The following NKAP variants were observed in gnomAD, a reference collection of about 807,000 sequenced individuals.
The protein encoded by NKAP is NFKB activating protein.
Under a neutral mutation model 35.6 loss-of-function variants are expected in NKAP, and 4 were observed. That is an observed-to-expected ratio of 0.11 (90% confidence interval 0.06 to 0.26). NKAP has a LOEUF of 0.26. NKAP is among the 10% of genes least tolerant of loss of function. The pLI is 1.00. For synonymous variants in NKAP, 106 were observed against 119.2 expected (o/e 0.89, Z 0.72); for missense variants, 238 against 321.9 (o/e 0.74, Z 1.99).
intron 4 of NKAP, 129 bp downstream of exon 4, chrX:119,936,168 A>C: frequency 1.5e-6 from 1 of 689,302 alleles, no homozygotes; most frequent in Non-Finnish European, 2.2e-6. Flanking sequence ...GGTACCTGGC[A>C]CAAGGTTAGC....
intron 1 of NKAP, among the ~76,000 whole-genome samples, chrX:119,941,139 CAAA>C (rs774116965): frequency 3.0e-5 from 2 of 66,510 alleles, no homozygotes; most frequent in Admixed American, 1.8e-4. Flanking sequence ...GACTCCATCT[CAAA>C]AAAAAAAAAA....
chrX:119,936,365 G>A lies in NKAP; in HGVS notation c.605C>T (p.Ser202Leu). The A allele has an allele frequency of 9.4e-7, 1 of 1,069,207 alleles. No individual in the cohort carries two copies. Among genetic ancestry groups the A allele is most frequent in the Non-Finnish European group, 1.3e-6 (1 of 799,913 alleles). 88.1% of individuals were successfully genotyped at this position (1,069,207 alleles called of 1,213,427 possible). Residue 202 changes from serine to leucine, a missense_variant, in exon 4 of 9, where the codon TCG (serine) becomes TTG (leucine). Physicochemically the swap from Ser to Leu is moderately radical, Grantham distance 145. Around this residue, in one of 5 missense-constraint regions of NKAP, gnomAD observed 89 missense variants for 91.7 expected, o/e 0.97. Coordinates refer to ENST00000371410, the MANE Select transcript of NKAP (RefSeq NM_024528.4). ...RSKKRRKKKS[S>L]KRKHKKYSED... ...AGAATACTTCTTATGTTTTCTTTTC[G>A]ATGATTTTTTCTTTCTCCTTTTCTT...
chrX:119,928,651 C>T (rs1250634758), intron 8 of NKAP, among the ~76,000 whole-genome samples: 1 of 111,965 alleles, frequency 8.9e-6, no homozygotes, highest in Non-Finnish European at 1.9e-5. Context: ...GTAACCTCCT[C>T]CTGGATTCAG....
Position 119,929,728 on chromosome X carries a change from T to A in NKAP, c.1073+288A>T, listed in dbSNP as rs73607088. On this transcript the variant is annotated intron_variant, in intron 8 of 8. Coordinates refer to ENST00000371410, the MANE Select transcript of NKAP (RefSeq NM_024528.4). Reference sequence around the variant, plus strand: ...TAAATAGCTGAATTTAACTATATCCTCCAGTGGATAAAATATCTGTAAGCA... The same window carrying A: ...TAAATAGCTGAATTTAACTATATCCACCAGTGGATAAAATATCTGTAAGCA... 7.6e-3 allele frequency among the ~76,000 whole-genome samples: 847 copies of A among 111,772 alleles called. 2 individuals are homozygous for A. The highest frequency in any genetic ancestry group is 0.013 in the Non-Finnish European group (718 of 53,236).
intron 1 of NKAP, 141 bp downstream of exon 1, chrX:119,943,079 G>A: frequency 2.5e-6 from 2 of 793,394 alleles, no homozygotes; most frequent in Non-Finnish European, 1.8e-6. Flanking sequence ...GTTGTCGTGG[G>A]TGGATTAAAG....
intron 7 of NKAP, among the ~76,000 whole-genome samples, 158 bp from the exon 8 acceptor site, chrX:119,930,323 T>C (rs753175298): frequency 2.3e-4 from 26 of 112,679 alleles, no homozygotes; most frequent in Admixed American, 1.0e-3. Flanking sequence ...TCAATGTGAA[T>C]TGCTTTATCC....
intron 8 of NKAP, among the ~76,000 whole-genome samples, chrX:119,928,484 T>A (rs1263238718): frequency 8.9e-6 from 1 of 112,489 alleles, no homozygotes; most frequent in African/African-American, 3.2e-5. Context: ...TAAACCCTCC[T>A]CTCATTTATA....
At position 119,943,498 on chromosome X, in the gene NKAP, G is replaced by T. The variant is rs1311096844; in HGVS notation, c.108C>A (p.Ser36=). Residue 36 remains serine (S), a synonymous_variant, in exon 1 of 9, where the codon TCC becomes TCA. Transcript: ENST00000371410. ...GCGAGCGAGAGCGGCGGCCCCGCGG[G>T]GAGCGGGCAGATTTGCTGGGCTTCG... is the stretch of plus-strand genomic sequence containing the variant. The part of the protein sequence containing the change: ...KSPKPSKSAR[S]PRGRRSRSHS... 1 of 1,210,250 alleles carries T rather than the reference G, an allele frequency of 8.3e-7. No individual in the cohort carries two copies. Among genetic ancestry groups the T allele is most frequent in the Non-Finnish European group, 1.1e-6 (1 of 894,989 alleles).
intron 5 of NKAP, among the ~76,000 whole-genome samples, chrX:119,933,450 T>C (rs2056751211): frequency 8.9e-6 from 1 of 111,793 alleles, no homozygotes; most frequent in Non-Finnish European, 1.9e-5. Flanking sequence ...GCACCACTTA[T>C]GAAGTATTCT....
chrX:119,942,492 A>G (rs1439068854), intron 1 of NKAP, among the ~76,000 whole-genome samples: 3 of 110,237 alleles, frequency 2.7e-5, no homozygotes, highest in Non-Finnish European at 5.7e-5. Flanking sequence ...AAACAAAACA[A>G]TCCCCAAGCT....
chrX:119,933,890 G>A (rs1438300567), intron 5 of NKAP, among the ~76,000 whole-genome samples: 1 of 110,452 alleles, frequency 9.1e-6, no homozygotes, highest in Non-Finnish European at 1.9e-5. Context: ...GCAGTGAGCC[G>A]AGATCGCGCC....
In NKAP at chrX:119,936,613, T is replaced by G. The variant is rs767663653; in HGVS notation, c.537A>C (p.Glu179Asp). ...KKSTTSASTS[E>D]EEKKKKSSRS... ...AAAATACCCTTTTTTTAAAAATACC[T>G]TCTGAAGTAGAAGCTGAAGTAGTGC... The change falls in exon 3 of 9, where the codon GAA (glutamate) becomes GAC (aspartate). Residue 179 changes from glutamate to aspartate, a missense_variant and splice_region_variant. Coordinates refer to ENST00000371410, the MANE Select transcript of NKAP (RefSeq NM_024528.4). 8.6e-7 allele frequency: 1 copy of G among 1,156,450 alleles called. No homozygotes were observed. The highest frequency in any genetic ancestry group is 2.9e-5 in the Admixed American group (1 of 34,532).
chrX:119,939,986 C>T (rs1324936874), intron 1 of NKAP, among the ~76,000 whole-genome samples: 2 of 107,889 alleles, frequency 1.9e-5, no homozygotes, highest in Non-Finnish European at 3.8e-5. Context: ...CCTCCCAAAG[C>T]GTTGGGATCA....
intron 2 of NKAP, chrX:119,937,569 C>G (rs2056772411): frequency 1.1e-5 from 1 of 95,135 alleles, no homozygotes; most frequent in African/African-American, 3.9e-5. Context: ...GATCGCACCA[C>G]TGCACTCCAG....
intron 8 of NKAP, among the ~76,000 whole-genome samples, 162 bp from the exon 9 acceptor site, chrX:119,925,556 C>T (rs1004264850): frequency 9.0e-6 from 1 of 110,835 alleles, no homozygotes; most frequent in Non-Finnish European, 1.9e-5. Flanking sequence ...CTGCCTGACA[C>T]GTCCTTTTTT....
chrX:119,941,177 T>C (rs977690640), intron 1 of NKAP, among the ~76,000 whole-genome samples: 3 of 110,857 alleles, frequency 2.7e-5, no homozygotes, highest in Non-Finnish European at 3.8e-5. Context: ...ATTTTCTAAA[T>C]GTACATATGC....
intron 8 of NKAP, among the ~76,000 whole-genome samples, chrX:119,925,929 C>CTT (rs1305744041): frequency 4.1e-4 from 19 of 46,428 alleles, no homozygotes; most frequent in African/African-American, 1.5e-3. Context: ...ATCCTTTTTT[C>CTT]TTTTTTTTTT....
At position 119,943,358 on chromosome X, in the gene NKAP, C is replaced by G; in HGVS notation, c.248G>C (p.Arg83Pro). 8.2e-7 allele frequency: 1 copy of G among 1,212,163 alleles called. No homozygotes were observed. Among genetic ancestry groups the G allele is most frequent in the Non-Finnish European group, 1.1e-6 (1 of 895,503 alleles). The change falls in exon 1 of 9, where the codon CGG becomes CCG. Residue 83 changes from arginine (R) to proline (P), a missense_variant. Coordinates refer to ENST00000371410, the MANE Select transcript of NKAP (RefSeq NM_024528.4). ...RSRSRSRSRERPSAPRGIPFA... is the reference protein window; with the variant it reads ...RSRSRSRSREPPSAPRGIPFA... ...GGGGATGCCCCGGGGCGCAGAGGGC[C>G]GCTCTCTAGAACGCGACCGCGAGCG...
intron 5 of NKAP, 168 bp from the exon 6 acceptor site, chrX:119,932,384 AC>A: frequency 2.7e-6 from 1 of 368,951 alleles, no homozygotes; most frequent in East Asian, 4.5e-5. Context: ...ATTCAAACTT[AC>A]AAGATAATTT....
Sources: allele counts gnomAD v4.1 joint callset (sites outside exome capture counted in the v4.1 genomes callset), GRCh38; gene constraint gnomAD v4.1.1; regional missense constraint gnomAD v4.1.1; transcripts MANE v1.5; gene names NCBI Gene and HGNC (gene_info 2026-07-23, HGNC 2026-07-21).